NPM1: variants seen among roughly 807,000 people sequenced by gnomAD.
NPM1 encodes the protein nucleophosmin.
NPM1 carries 1 observed loss-of-function variant against 44.1 expected under a neutral mutation model. That is an observed-to-expected ratio of 0.02 (90% CI 0.01 to 0.11). The LOEUF is 0.11. Ranked by LOEUF, NPM1 falls within the 10% of genes least tolerant of loss-of-function variation. The probability of loss-of-function intolerance (pLI) is 1.00; values close to 1 mark genes in which losing one functional copy is unlikely to be tolerated. For synonymous variants in NPM1, 126 were observed against 111.8 expected (o/e 1.13, Z -0.80); for missense variants, 197 against 347.8 (o/e 0.57, Z 3.45).
Position 171,392,800 on chromosome 5 carries a change from G to T in NPM1, c.443G>T (p.Gly148Val). The part of the protein sequence containing the change: ...ISGKRSAPGG[G>V]SKVPQKKVKL... ...GGAAAGCGGTCTGCCCCTGGAGGTG[G>T]TAGCAAGGTTCCACAGGTAGAGATG... Residue 148 changes from glycine to valine, a missense_variant, in exon 5 of 11, where the codon GGT becomes GTT. Physicochemically the swap from Gly to Val is moderately radical, Grantham distance 109. Around this residue, in one of 5 missense-constraint regions of NPM1, gnomAD observed 91 missense variants for 94.0 expected, o/e 0.97. Transcript: ENST00000296930. 1 of 1,613,794 alleles carries T rather than the reference G, an allele frequency of 6.2e-7. No homozygotes were observed. Among genetic ancestry groups the T allele is most frequent in the South Asian group, 1.1e-5 (1 of 91,058 alleles).
At chr5:171,389,780 C>T (rs1770477168) in intron 1 of NPM1, among the ~76,000 whole-genome samples, 1 of 152,082 alleles carries the variant, frequency 6.6e-6, no homozygotes, top group African/African-American at 2.4e-5. Flanking sequence ...TTTACTAAAC[C>T]ATTGAGCTTG....
At chr5:171,388,509 G>T (rs1166171311) in intron 1 of NPM1, among the ~76,000 whole-genome samples, 2 of 151,472 alleles carry the variant, frequency 1.3e-5, no homozygotes, top group African/African-American at 4.9e-5. Flanking sequence ...TACCTCGCGT[G>T]CTTCGGCCAG....
At chr5:171,401,600 C>T (rs368247238) in intron 8 of NPM1, among the ~76,000 whole-genome samples, 15 of 152,176 alleles carry the variant, frequency 9.9e-5, no homozygotes, top group Middle Eastern at 3.4e-3. Context: ...CCAGGCCCAG[C>T]GTATTTTTGT....
intron 10 of NPM1, among the ~76,000 whole-genome samples, chr5:171,409,287 A>G (rs1771710029): frequency 6.6e-6 from 1 of 152,198 alleles, no homozygotes; most frequent in Non-Finnish European, 1.5e-5. Context: ...ACGACAATGT[A>G]TATTTGTTTG....
In NPM1 at chr5:171,403,257, C is replaced by G. The variant is rs1309121364; in HGVS notation, c.670-2045C>G. Among the ~76,000 whole-genome samples, 4 of 89,252 alleles carry G rather than the reference C, an allele frequency of 4.5e-5. No homozygotes were observed. The South Asian group carries it at 1.7e-3, about 38-fold the overall frequency. 58.6% of individuals were successfully genotyped at this position (89,252 alleles called of 152,430 possible). On this transcript the variant is annotated intron_variant, in intron 8 of 10. Transcript: ENST00000296930. ...CATCTGTTTAACAAAGCACATCTTG[C>G]ACCGCCCTTAATCCATTTAACCCTG...
rs190141522 is a variant in NPM1, at chr5:171,404,955, A to T, written c.670-347A>T. 3.9e-5 allele frequency among the ~76,000 whole-genome samples: 6 copies of T among 152,050 alleles called. 1 individual carries two copies. The highest frequency in any genetic ancestry group is 1.2e-4 in the African/African-American group (5 of 41,460). ...AAGTTACTCTTTTTTTTTTTATTTA[A>T]AGAGATGGGTGGCCTACTCTTGCCC... is the stretch of plus-strand genomic sequence containing the variant. On this transcript the variant is annotated intron_variant, in intron 8 of 10. Transcript: ENST00000296930.
Position 171,405,420 on chromosome 5 carries a change from TAAA to T in NPM1, c.771+22_771+24del, listed in dbSNP as rs755339918. The stretch of plus-strand genomic sequence containing the variant: ...ATAGAAAAAGTGAGTAAAGTTATCT[TAAA>T]AAAACTTTGTCTCCCCCCTCAAATT... On this transcript the variant is annotated intron_variant, in intron 9 of 10. Coordinates refer to ENST00000296930, the MANE Select transcript of NPM1 (RefSeq NM_002520.7). The T allele has an allele frequency of 2.5e-6, 3 of 1,220,348 alleles. No homozygotes were observed. Among genetic ancestry groups the T allele is most frequent in the Middle Eastern group, 1.9e-4 (1 of 5,318 alleles). 75.6% of individuals were successfully genotyped at this position (1,220,348 alleles called of 1,614,324 possible). A position where few individuals can be genotyped will look rare whatever the true frequency, so the allele number is the denominator to read the frequency against.
chr5:171,406,297 T>A, intron 9 of NPM1: 1 of 1,009,834 alleles, frequency 9.9e-7, no homozygotes, highest in Non-Finnish European at 1.6e-6. Flanking sequence ...TTCCTGGTTA[T>A]CACTGATTTT....
chr5:171,404,760 G>A (rs1365529901), intron 8 of NPM1, among the ~76,000 whole-genome samples: 3 of 148,628 alleles, frequency 2.0e-5, no homozygotes, highest in African/African-American at 2.5e-5. Flanking sequence ...CTGCAATCTC[G>A]GCACTTTGGG....
chr5:171,394,637 A>G (rs1488674011), intron 6 of NPM1, among the ~76,000 whole-genome samples: 1 of 152,186 alleles, frequency 6.6e-6, no homozygotes, highest in Non-Finnish European at 1.5e-5. Context: ...TCTCGTTAGT[A>G]AGAATTGAAA....
At chr5:171,394,546 C>T (rs1287160867) in intron 6 of NPM1, among the ~76,000 whole-genome samples, 2 of 152,130 alleles carry the variant, frequency 1.3e-5, no homozygotes, top group African/African-American at 2.4e-5. Flanking sequence ...AAGCTATCCT[C>T]CCCTCTCAGA....
upstream of NPM1, chr5:171,387,745 C>T: frequency 1.7e-6 from 1 of 588,320 alleles, no homozygotes; most frequent in Non-Finnish European, 3.0e-6. Flanking sequence ...AGGACGGCTA[C>T]GGTACGGGGG....
upstream of NPM1, chr5:171,387,829 A>G (rs1373134719): frequency 5.4e-6 from 5 of 931,534 alleles, no homozygotes; most frequent in African/African-American, 1.6e-5. Context: ...GTCTATATAT[A>G]AGCGCGGGGA....
At chr5:171,408,186 A>G (rs919676405) in intron 10 of NPM1, among the ~76,000 whole-genome samples, 2 of 147,780 alleles carry the variant, frequency 1.4e-5, no homozygotes, top group African/African-American at 2.5e-5. Flanking sequence ...GAAATACATT[A>G]TGCCAAAATC....
intron 8 of NPM1, 122 bp from the exon 9 acceptor site, chr5:171,405,180 G>GA: frequency 1.6e-6 from 1 of 623,280 alleles, no homozygotes; most frequent in East Asian, 2.8e-5. Context: ...GATAATTCCA[G>GA]TTGTATAATT....
At chr5:171,399,709 C>CT (rs1240989774) in intron 6 of NPM1, among the ~76,000 whole-genome samples, 6 of 151,692 alleles carry the variant, frequency 4.0e-5, no homozygotes, top group Non-Finnish European at 2.9e-5. Context: ...CAAATTCACT[C>CT]TGAGTGTACA....
Position 171,391,739 on chromosome 5 carries a change from G to T in NPM1, c.292G>T (p.Val98Leu), listed in dbSNP as rs756323205. ...SLGGFEITPP[V>L]VLRLKCGSGP... ...TGGGGGCTTTGAAATAACACCACCAGTGGTCTTAAGGTTGAAGTGTGGTTC... is the reference window on the plus strand; with the variant it reads ...TGGGGGCTTTGAAATAACACCACCATTGGTCTTAAGGTTGAAGTGTGGTTC... The change falls in exon 4 of 11, where the codon GTG (valine) becomes TTG (leucine). Residue 98 changes from valine to leucine, a missense_variant. Physicochemically the swap from Val to Leu is conservative, Grantham distance 32 (BLOSUM62 1). Around this residue, in one of 5 missense-constraint regions of NPM1, gnomAD observed 43 missense variants for 109.6 expected, o/e 0.39. Transcript: ENST00000296930. 8.7e-6 allele frequency: 14 copies of T among 1,611,394 alleles called. No individual in the cohort carries two copies. Among genetic ancestry groups the T allele is most frequent in the Non-Finnish European group, 1.2e-5 (14 of 1,179,138 alleles).
At position 171,392,809 on chromosome 5, in the gene NPM1, T is replaced by A. The variant is rs1770650881; in HGVS notation, c.452T>A (p.Val151Asp). The change falls in exon 5 of 11, where the codon GTT (valine) becomes GAT (aspartate). Residue 151 changes from valine to aspartate, a missense_variant. Physicochemically the swap from Val to Asp is radical, Grantham distance 152. Coordinates refer to ENST00000296930, the MANE Select transcript of NPM1 (RefSeq NM_002520.7). Reference sequence around the variant, plus strand: ...TCTGCCCCTGGAGGTGGTAGCAAGGTTCCACAGGTAGAGATGGCAATTTTA... The same window carrying A: ...TCTGCCCCTGGAGGTGGTAGCAAGGATCCACAGGTAGAGATGGCAATTTTA... ...KRSAPGGGSK[V>D]PQKKVKLAAD... The A allele has an allele frequency of 1.2e-6, 2 of 1,613,848 alleles. No individual in the cohort carries two copies. Among genetic ancestry groups the A allele is most frequent in the South Asian group, 2.2e-5 (2 of 91,070 alleles).
In NPM1 at chr5:171,387,918, T is replaced by A. The variant is rs1305112511; in HGVS notation, c.-31T>A. 16 of 1,605,466 alleles carry A rather than the reference T, an allele frequency of 1.0e-5. No individual in the cohort carries two copies. The highest frequency in any genetic ancestry group is 1.4e-5 in the Non-Finnish European group (16 of 1,173,924). On this transcript the variant is annotated 5_prime_UTR_variant, in exon 1 of 11. Transcript: ENST00000296930. ...AGCGTTCTTTTATCTCCGTCCGCCT[T>A]CTCTCCTACCTAAGTGCGTGCCGCC...
Sources: allele counts gnomAD v4.1 joint callset (sites outside exome capture counted in the v4.1 genomes callset), GRCh38; gene constraint gnomAD v4.1.1; regional missense constraint gnomAD v4.1.1; transcripts MANE v1.5; gene names NCBI Gene and HGNC (gene_info 2026-07-23, HGNC 2026-07-21).